The following RBM25 variants were observed in gnomAD, a reference collection of about 807,000 sequenced individuals.
The protein encoded by RBM25 is RNA binding motif protein 25, also known as RNA-binding protein 25.
RBM25 carries 19 observed loss-of-function variants against 120.7 expected under a neutral mutation model. That is an observed-to-expected ratio of 0.16 (90% CI 0.11 to 0.23). RBM25 has a LOEUF of 0.23. Ranked by LOEUF, RBM25 falls within the 10% of genes least tolerant of loss-of-function variation. RBM25 has a pLI of 1.00. For missense variants in RBM25, 605 were observed against 1,041.5 expected, an observed-to-expected ratio of 0.58 and a Z score of 5.77; for synonymous variants, 390 against 326.7, an observed-to-expected ratio of 1.19 and a Z score of -2.09.
At chr14:73,115,894 T>C (rs1339586728) in intron 18 of RBM25, among the ~76,000 whole-genome samples, 2 of 152,194 alleles carry the variant, frequency 1.3e-5, no homozygotes, top group Admixed American at 6.5e-5. Flanking sequence ...GCCCAGACGA[T>C]GGCAAGGTGC....
chr14:73,106,018 A>T lies in RBM25; in HGVS notation c.1314A>T (p.Glu438Asp), dbSNP rs1313760868. 4.3e-6 allele frequency: 7 copies of T among 1,613,000 alleles called. No individual in the cohort carries two copies. Among genetic ancestry groups the T allele is most frequent in the African/African-American group, 1.3e-5 (1 of 74,798 alleles). The part of the protein sequence containing the change: ...DKKRDREEDE[E>D]DAYERRKLER... ...AACGGGACCGAGAAGAAGATGAAGA[A>T]GATGCATACGAACGAAGAAAACTTG... Residue 438 changes from glutamate to aspartate, a missense_variant, in exon 11 of 19, where the codon GAA (glutamate) becomes GAT (aspartate). By Grantham distance (45) the Glu-to-Asp change is conservative. Coordinates refer to ENST00000261973, the MANE Select transcript of RBM25 (RefSeq NM_021239.3).
chr14:73,072,095 C>T (rs1285397254), intron 2 of RBM25, among the ~76,000 whole-genome samples: 2 of 152,132 alleles, frequency 1.3e-5, no homozygotes, highest in Non-Finnish European at 2.9e-5. Flanking sequence ...CCTCAGCCTC[C>T]TGAGTAGCTG....
intron 12 of RBM25, among the ~76,000 whole-genome samples, 160 bp downstream of exon 12, chr14:73,106,445 AC>A (rs1896190283): frequency 6.6e-6 from 1 of 152,212 alleles, no homozygotes; most frequent in Non-Finnish European, 1.5e-5. Flanking sequence ...CAATTTAAGT[AC>A]ACCAAAATCT....
At chr14:73,062,162 A>G (rs1290058746) in intron 1 of RBM25, among the ~76,000 whole-genome samples, 2 of 151,532 alleles carry the variant, frequency 1.3e-5, no homozygotes, top group African/African-American at 4.8e-5. Flanking sequence ...TGAAAATGGT[A>G]AAACAACAAA....
At chr14:73,104,490 C>T (rs755945596) in intron 10 of RBM25, among the ~76,000 whole-genome samples, 3 of 151,738 alleles carry the variant, frequency 2.0e-5, no homozygotes, top group South Asian at 2.1e-4. Flanking sequence ...TTCAGCCTCC[C>T]GAGTAACTGG....
chr14:73,067,783 T>C (rs1895176442), intron 1 of RBM25, among the ~76,000 whole-genome samples: 1 of 151,818 alleles, frequency 6.6e-6, no homozygotes, highest in African/African-American at 2.4e-5. Context: ...TTTTTTTTTT[T>C]TGTATTTTTA....
chr14:73,101,469 T>C (rs917026592), intron 9 of RBM25: 2 of 73,272 alleles, frequency 2.7e-5, no homozygotes, highest in African/African-American at 2.7e-4. Flanking sequence ...TTTAAAAATA[T>C]ACATGTATGT....
intron 1 of RBM25, among the ~76,000 whole-genome samples, chr14:73,070,331 A>G (rs1233745002): frequency 1.3e-5 from 2 of 152,186 alleles, no homozygotes; most frequent in East Asian, 1.9e-4. Context: ...TGTTGGGATT[A>G]CAGGCGTGAG....
chr14:73,066,289 TA>T (rs1209911034), intron 1 of RBM25, among the ~76,000 whole-genome samples: 1 of 152,196 alleles, frequency 6.6e-6, no homozygotes, highest in African/African-American at 2.4e-5. Context: ...TATGTACTGA[TA>T]ACCTACCTAC....
At chr14:73,096,787 A>G (rs972530701) in intron 6 of RBM25, 128 bp from the exon 7 acceptor site, 1 of 724,788 alleles carries the variant, frequency 1.4e-6, no homozygotes, top group Non-Finnish European at 2.3e-6. Flanking sequence ...AACAAAACCA[A>G]TTCTGTGTTT....
Position 73,105,856 on chromosome 14 carries a change from T to C in RBM25, c.1155-3T>C, listed in dbSNP as rs551930553. 1.6e-5 allele frequency: 25 copies of C among 1,605,898 alleles called. No individual in the cohort carries two copies. Among genetic ancestry groups the C allele is most frequent in the Admixed American group, 3.4e-5 (2 of 58,146 alleles). On this transcript the variant is annotated splice_region_variant and splice_polypyrimidine_tract_variant and intron_variant, in intron 10 of 18. Coordinates refer to ENST00000261973, the MANE Select transcript of RBM25 (RefSeq NM_021239.3). The stretch of plus-strand genomic sequence containing the variant: ...GATTTGTAAAATATTTTGTTTACAT[T>C]AGAGAAAAAAGCAGAGATCGTGAAA...
chr14:73,116,475 CT>C (rs1436507467), intron 18 of RBM25, among the ~76,000 whole-genome samples: 1 of 152,194 alleles, frequency 6.6e-6, no homozygotes, highest in African/African-American at 2.4e-5. Context: ...GATAACATTC[CT>C]TTTCTGCTGC....
rs375268643 is a variant in RBM25 at position 73,079,628 on chromosome 14, T to C, written c.324+2092T>C. 3.3e-4 allele frequency among the ~76,000 whole-genome samples: 49 copies of C among 150,612 alleles called. 1 individual carries two copies. In the South Asian group the frequency reaches 6.9e-3, roughly 21 times the overall value. On this transcript the variant is annotated intron_variant, in intron 4 of 18. Transcript: ENST00000261973. Reference sequence around the variant, plus strand: ...ATCCTCTGGAAATATTGTTGCCTGCTCTCCTTATGCCCCTCTGAGATGCTG... The same window carrying C: ...ATCCTCTGGAAATATTGTTGCCTGCCCTCCTTATGCCCCTCTGAGATGCTG...
intron 9 of RBM25, chr14:73,100,622 T>G (rs1896037786): frequency 3.7e-6 from 1 of 273,034 alleles, no homozygotes; most frequent in East Asian, 6.2e-5. Context: ...TGGTTCTTAC[T>G]GATAGACTGA....
chr14:73,082,692 A>C (rs536250725), intron 4 of RBM25, among the ~76,000 whole-genome samples: 1 of 152,206 alleles, frequency 6.6e-6, no homozygotes, highest in East Asian at 1.9e-4. Context: ...GTTTTTGTTT[A>C]TAGTTAGAGT....
intron 17 of RBM25, among the ~76,000 whole-genome samples, chr14:73,113,416 G>A (rs1030974188): frequency 3.3e-5 from 5 of 150,630 alleles, no homozygotes; most frequent in African/African-American, 9.7e-5. Context: ...ATGTTAACAA[G>A]ACAGTGGCCC....
At chr14:73,098,083 G>A (rs1396876162) in intron 7 of RBM25, among the ~76,000 whole-genome samples, 2 of 152,106 alleles carry the variant, frequency 1.3e-5, no homozygotes, top group African/African-American at 2.4e-5. Flanking sequence ...GCCACAGAGC[G>A]AGACCCTTCT....
At chr14:73,058,986 C>T (rs906216593) in intron 1 of RBM25, among the ~76,000 whole-genome samples, 2 of 152,124 alleles carry the variant, frequency 1.3e-5, no homozygotes, top group African/African-American at 4.8e-5. Context: ...TTCCACGTTC[C>T]GCCGCGGAGT....
intron 4 of RBM25, among the ~76,000 whole-genome samples, chr14:73,082,514 C>T (rs1566587791): frequency 6.6e-6 from 1 of 152,026 alleles, no homozygotes; most frequent in African/African-American, 2.4e-5. Flanking sequence ...TGGTCTTGAA[C>T]TCCTGGGCTC....
Sources: gnomAD v4.1 joint callset for allele counts (sites outside exome capture counted in the v4.1 genomes callset) on GRCh38, gnomAD v4.1.1 for gene constraint, MANE v1.5 for transcripts, NCBI Gene and HGNC (gene_info 2026-07-23, HGNC 2026-07-21) for gene names.